Variants in FBXO25 observed in about 807,000 individuals in gnomAD.
FBXO25 encodes the protein F-box protein 25, also known as F-box only protein 25.
In FBXO25, 45 loss-of-function variants were observed where a neutral mutation model predicts 51.9. The ratio of observed to expected loss-of-function variants is 0.87; its 90% CI spans 0.68 to 1.11. The LOEUF is 1.11. Among genes scored for constraint, FBXO25 ranks in the 50% most tolerant of loss-of-function variants. The probability of loss-of-function intolerance (pLI) is 0.00; values close to 1 mark genes in which losing one functional copy is unlikely to be tolerated. For synonymous variants in FBXO25, 199 were observed against 151.0 expected (o/e 1.32, Z -2.33); for missense variants, 507 against 428.5 (o/e 1.18, Z -1.62).
chr8:430,558 C>G (rs113138381), intron 2 of FBXO25, among the ~76,000 whole-genome samples: 3,903 of 152,228 alleles, frequency 0.026, 110 homozygotes, highest in East Asian at 0.12. Flanking sequence ...GATTTGAGCA[C>G]CACTCTCACA....
rs1191530375 is a variant in FBXO25, at chr8:451,264, T to C, written c.476-5T>C. ...AATCCATAGTTTTATTTTTATTTAT[T>C]CCAGTTCTTGATGACCACCACAATC... On this transcript the variant is annotated splice_polypyrimidine_tract_variant and splice_region_variant and intron_variant, in intron 6 of 9. Transcript: ENST00000350302. The C allele has an allele frequency of 2.5e-6, 4 of 1,588,760 alleles. No homozygotes were observed. The highest frequency in any genetic ancestry group is 3.4e-6 in the Non-Finnish European group (4 of 1,171,944).
intron 9 of FBXO25, among the ~76,000 whole-genome samples, chr8:464,318 G>T (rs894682809): frequency 6.9e-6 from 1 of 145,886 alleles, no homozygotes; most frequent in Non-Finnish European, 1.5e-5. Context: ...TCCATGGTTT[G>T]CCTTGCGTTT....
At chr8:461,662 C>T in intron 8 of FBXO25, among the ~76,000 whole-genome samples, 1 of 152,030 alleles carries the variant, frequency 6.6e-6, no homozygotes, top group East Asian at 1.9e-4. Context: ...CAAAACATGC[C>T]CTTCAGCTGC....
At chr8:422,310 C>G (rs558972150) in intron 2 of FBXO25, among the ~76,000 whole-genome samples, 95 of 152,300 alleles carry the variant, frequency 6.2e-4, no homozygotes, top group African/African-American at 2.2e-3. Flanking sequence ...TGGTGGTTTT[C>G]CCTAAGCTGA....
intron 1 of FBXO25, among the ~76,000 whole-genome samples, chr8:410,087 G>A (rs897266529): frequency 2.0e-5 from 3 of 152,160 alleles, no homozygotes; most frequent in Non-Finnish European, 4.4e-5. Context: ...TCAGGGCGAA[G>A]ATCGAGTCCT....
At chr8:458,164 G>A (rs1011237266) in intron 7 of FBXO25, among the ~76,000 whole-genome samples, 7 of 152,216 alleles carry the variant, frequency 4.6e-5, no homozygotes, top group African/African-American at 1.2e-4. Flanking sequence ...GTTCTGTCAC[G>A]CTGTGCAGCC....
At chr8:468,110 C>G in intron 9 of FBXO25, 1 of 1,062,746 alleles carries the variant, frequency 9.4e-7, no homozygotes, top group Admixed American at 5.1e-5. Context: ...TAAGAGTCTG[C>G]CAGTCTTCAT....
At chr8:437,350 G>A (rs1194212005) in intron 5 of FBXO25, among the ~76,000 whole-genome samples, 1 of 152,214 alleles carries the variant, frequency 6.6e-6, no homozygotes, top group African/African-American at 2.4e-5. Context: ...GAACTGGTGA[G>A]CTCAGGAAGC....
intron 2 of FBXO25, among the ~76,000 whole-genome samples, chr8:421,887 G>A: frequency 6.6e-6 from 1 of 152,124 alleles, no homozygotes. Flanking sequence ...TTGAGCCACA[G>A]GATAGACAAC....
intron 9 of FBXO25, among the ~76,000 whole-genome samples, chr8:466,517 C>G (rs945564883): frequency 1.3e-5 from 2 of 152,182 alleles, no homozygotes; most frequent in African/African-American, 2.4e-5. Flanking sequence ...GACTGAGAAA[C>G]TAAAGTAATA....
chr8:463,273 A>C (rs749344952), intron 9 of FBXO25, 123 bp downstream of exon 9: 3 of 1,118,660 alleles, frequency 2.7e-6, no homozygotes, highest in Non-Finnish European at 3.9e-6. Flanking sequence ...TAAGTTAAGG[A>C]GATATATTTT....
intron 5 of FBXO25, among the ~76,000 whole-genome samples, chr8:436,868 G>T (rs1798135399): frequency 6.6e-6 from 1 of 152,154 alleles, no homozygotes; most frequent in Non-Finnish European, 1.5e-5. Context: ...TTTAATTCTT[G>T]GTGTGAGTGA....
rs202143545 is a variant in FBXO25, at chr8:425,892, CTT to C, written c.135-5434_135-5433del. 2.8e-3 allele frequency among the ~76,000 whole-genome samples: 388 copies of C among 139,454 alleles called. 2 individuals carry two copies. The highest frequency in any genetic ancestry group is 8.7e-3 in the African/African-American group (328 of 37,828). The allele number at this position is 139,454 out of a possible 152,430, so 91.5% of individuals were successfully genotyped here. A position where few individuals can be genotyped will look rare whatever the true frequency, so the allele number is the denominator to read the frequency against. Reference sequence around the variant, plus strand: ...GGTATTTAGGAGGGCTTTCTTCCTCCTTTTTTTTTTTTTTTTCCACTTTTATC... The same window carrying C: ...GGTATTTAGGAGGGCTTTCTTCCTCCTTTTTTTTTTTTTTCCACTTTTATC... On this transcript the variant is annotated intron_variant, in intron 2 of 9. Coordinates refer to ENST00000350302, the MANE Select transcript of FBXO25 (RefSeq NM_183420.2).
At chr8:460,452 C>T (rs1014485049) in intron 8 of FBXO25, among the ~76,000 whole-genome samples, 3 of 151,304 alleles carry the variant, frequency 2.0e-5, no homozygotes, top group Non-Finnish European at 4.4e-5. Flanking sequence ...CATTAAGGCC[C>T]TGAAAAAAAA....
intron 7 of FBXO25, among the ~76,000 whole-genome samples, chr8:453,587 C>T (rs528824401): frequency 1.3e-5 from 2 of 152,160 alleles, no homozygotes; most frequent in Non-Finnish European, 2.9e-5. Flanking sequence ...AGGTAAAGAC[C>T]TGGTCTCCTG....
Position 477,465 on chromosome 8 carries a change from G to A in FBXO25, c.*8661G>A, listed in dbSNP as rs972467268. On this transcript the variant is annotated 3_prime_UTR_variant, in exon 10 of 10. Transcript: ENST00000350302. ...GTTTGGTGCATATATATTACATCTT[G>A]GTGAATTTTCAAACTTTTTAAATTT... The A allele has an allele frequency of 6.6e-6, 1 of 152,128 alleles. No individual in the cohort carries two copies. Among genetic ancestry groups the A allele is most frequent in the Non-Finnish European group, 1.5e-5 (1 of 68,038 alleles). 9.4% of individuals were successfully genotyped at this position (152,128 alleles called of 1,614,324 possible).
chr8:418,698 C>T (rs1796965777), intron 2 of FBXO25, among the ~76,000 whole-genome samples: 1 of 152,222 alleles, frequency 6.6e-6, no homozygotes, highest in East Asian at 1.9e-4. Flanking sequence ...CCTGTTTACA[C>T]TTCTAAAAAA....
intron 7 of FBXO25, among the ~76,000 whole-genome samples, chr8:453,218 C>T (rs1799202276): frequency 6.6e-6 from 1 of 152,220 alleles, no homozygotes; most frequent in Admixed American, 6.5e-5. Flanking sequence ...CTGATGATAA[C>T]ACAAAGGTGC....
rs367545278 is a variant in FBXO25, at chr8:458,865, T to A, written c.843+314T>A. Among the ~76,000 whole-genome samples, 10 of 152,292 alleles carry A rather than the reference T, an allele frequency of 6.6e-5. No individual in the cohort carries two copies. In the East Asian group the frequency reaches 1.9e-3, roughly 29 times the overall value. ...CTGGCTCACTGCCTTTTCTCCTGAT[T>A]TGATGAATCAGATTCCAGTTCTTTT... On this transcript the variant is annotated intron_variant, in intron 8 of 9. Coordinates refer to ENST00000350302, the MANE Select transcript of FBXO25 (RefSeq NM_183420.2).
Sources: allele counts gnomAD v4.1 joint callset (sites outside exome capture counted in the v4.1 genomes callset), GRCh38; gene constraint gnomAD v4.1.1; transcripts MANE v1.5; gene names NCBI Gene and HGNC (gene_info 2026-07-23, HGNC 2026-07-21).